Variants in TENM2 observed in about 807,000 individuals in gnomAD.
TENM2 encodes teneurin-2.
TENM2 carries 52 observed loss-of-function variants against 245.2 expected under a neutral mutation model. The ratio of observed to expected loss-of-function variants is 0.21; its 90% confidence interval spans 0.17 to 0.27. The LOEUF (loss-of-function observed/expected upper bound fraction) is 0.27. TENM2 is among the 10% of genes least tolerant of loss of function. The pLI is 1.00. For synonymous variants in TENM2, 1,363 were observed against 1,438.9 expected (o/e 0.95, Z 1.19); for missense variants, 3,046 against 3,666.8 (o/e 0.83, Z 4.37).
chr5:167,996,101 C>T (rs540242248), intron 5 of TENM2, among the ~76,000 whole-genome samples: 2 of 152,230 alleles, frequency 1.3e-5, no homozygotes, highest in East Asian at 1.9e-4. Flanking sequence ...ATCATCCTTG[C>T]GTGTTCAAAC....
rs777170514 is a variant in TENM2, at chr5:167,853,289, C to CAAAAAAAAA, written c.503-22682_503-22674dup. Among the ~76,000 whole-genome samples, 206 of 24,516 alleles carry CAAAAAAAAA rather than the reference C, an allele frequency of 8.4e-3. 13 individuals carry two copies. Among genetic ancestry groups the CAAAAAAAAA allele is most frequent in the Non-Finnish European group, 0.01 (141 of 13,430 alleles). The allele number at this position is 24,516 out of a possible 152,430, so 16.1% of individuals were successfully genotyped here. ...TGGGAGACAGAGCGAGACTCCGTCT[C>CAAAAAAAAA]AAAAAAAAAAAAAAAAAAAAAAAGA... On this transcript the variant is annotated intron_variant, in intron 2 of 28. Transcript: ENST00000518659.
At chr5:167,170,497 C>T in the TENM2 span, among the ~76,000 whole-genome samples, 8 of 152,126 alleles carry the variant, frequency 5.3e-5, no homozygotes, top group African/African-American at 1.9e-4. Flanking sequence ...GTTAAAATCA[C>T]TAAAAACTTA....
the TENM2 span, among the ~76,000 whole-genome samples, chr5:167,106,158 T>C: frequency 6.6e-6 from 1 of 152,296 alleles, no homozygotes; most frequent in South Asian, 2.1e-4. Flanking sequence ...ATTCCTGTAT[T>C]GGTTTATAGT....
At chr5:167,476,429 C>CA (rs1767380325) in intron 2 of TENM2, among the ~76,000 whole-genome samples, 1 of 152,058 alleles carries the variant, frequency 6.6e-6, no homozygotes, top group South Asian at 2.1e-4. Context: ...TATAAAATGT[C>CA]AAAAAATCAT....
intron 2 of TENM2, among the ~76,000 whole-genome samples, chr5:167,669,745 T>A (rs2150347281): frequency 6.6e-6 from 1 of 151,928 alleles, no homozygotes; most frequent in Admixed American, 6.6e-5. Flanking sequence ...GGGGAGGGAG[T>A]GCCTGTAATT....
chr5:167,158,675 T>A, the TENM2 span, among the ~76,000 whole-genome samples: 1 of 152,154 alleles, frequency 6.6e-6, no homozygotes, highest in Non-Finnish European at 1.5e-5. Context: ...AGAGCACATG[T>A]AAGCTCTCCT....
the TENM2 span, among the ~76,000 whole-genome samples, chr5:167,255,636 A>G: frequency 6.6e-6 from 1 of 152,092 alleles, no homozygotes; most frequent in Admixed American, 6.6e-5. Context: ...TGTGGCCCTG[A>G]TTTTACAGCT....
Position 167,725,513 on chromosome 5 carries a change from A to G in TENM2, c.503-150473A>G, listed in dbSNP as rs139617351. 7.2e-3 allele frequency among the ~76,000 whole-genome samples: 1,097 copies of G among 152,196 alleles called. 16 individuals carry two copies. The highest frequency in any genetic ancestry group is 0.025 in the African/African-American group (1,045 of 41,516). Reference sequence around the variant, plus strand: ...ATGCTAAATGCTTACTTAATTCATCACCAAATTCTGTAGACTGTACAGGCT... The same window carrying G: ...ATGCTAAATGCTTACTTAATTCATCGCCAAATTCTGTAGACTGTACAGGCT... On this transcript the variant is annotated intron_variant, in intron 2 of 28. Coordinates refer to ENST00000518659, the Ensembl canonical transcript of TENM2.
At position 167,624,905 on chromosome 5, in the gene TENM2, A is replaced by C. The variant is rs139311317; in HGVS notation, c.502+249432A>C. On this transcript the variant is annotated intron_variant, in intron 2 of 28. Transcript: ENST00000518659. ...TATGTAATATAGAGAGCTATAAACAAGGTACTAGTTGCATTGATACCCATT... is the reference window on the plus strand; with the variant it reads ...TATGTAATATAGAGAGCTATAAACACGGTACTAGTTGCATTGATACCCATT... 5.3e-3 allele frequency among the ~76,000 whole-genome samples: 814 copies of C among 152,310 alleles called. 6 individuals are homozygous for C. The highest frequency in any genetic ancestry group is 0.019 in the African/African-American group (774 of 41,570).
intron 9 of TENM2, among the ~76,000 whole-genome samples, chr5:168,107,441 T>C (rs1200903698): frequency 6.6e-6 from 1 of 152,218 alleles, no homozygotes; most frequent in East Asian, 1.9e-4. Context: ...TTTAAAGACA[T>C]GGATCTGAAG....
the TENM2 span, among the ~76,000 whole-genome samples, chr5:167,215,397 C>T: frequency 1.3e-5 from 2 of 152,184 alleles, no homozygotes; most frequent in Non-Finnish European, 2.9e-5. Flanking sequence ...TATTCTCTCT[C>T]TTTGTTCCAC....
At chr5:167,520,491 T>TTC (rs1770680000) in intron 2 of TENM2, among the ~76,000 whole-genome samples, 1 of 152,164 alleles carries the variant, frequency 6.6e-6, no homozygotes, top group South Asian at 2.1e-4. Flanking sequence ...GTAAGGCTTT[T>TTC]GTATGAGGAT....
the TENM2 span, among the ~76,000 whole-genome samples, chr5:167,117,149 C>T: frequency 6.6e-6 from 1 of 152,180 alleles, no homozygotes; most frequent in African/African-American, 2.4e-5. Context: ...CAATAAATAT[C>T]TGTTAAGTAA....
At chr5:168,062,931 A>T (rs1790173451) in intron 7 of TENM2, among the ~76,000 whole-genome samples, 1 of 152,158 alleles carries the variant, frequency 6.6e-6, no homozygotes, top group African/African-American at 2.4e-5. Context: ...AAATGAGGTG[A>T]TGGTTTACCC....
intron 17 of TENM2, among the ~76,000 whole-genome samples, chr5:168,201,730 G>A (rs964645328): frequency 6.6e-6 from 1 of 151,974 alleles, no homozygotes; most frequent in Admixed American, 6.6e-5. Flanking sequence ...TTTTGCAATT[G>A]GTTGATTTCT....
intron 1 of TENM2, among the ~76,000 whole-genome samples, chr5:167,353,728 C>G (rs1035883956): frequency 1.3e-5 from 2 of 151,578 alleles, no homozygotes; most frequent in African/African-American, 4.8e-5. Context: ...GGGATGGTCT[C>G]GATCTCCTGA....
At chr5:166,984,425 G>A in the TENM2 span, among the ~76,000 whole-genome samples, 1 of 151,954 alleles carries the variant, frequency 6.6e-6, no homozygotes, top group Non-Finnish European at 1.5e-5. Context: ...GAACTTCACT[G>A]ATACTCAATA....
At chr5:167,810,045 CTTA>C (rs1411737092) in intron 2 of TENM2, among the ~76,000 whole-genome samples, 1 of 152,036 alleles carries the variant, frequency 6.6e-6, no homozygotes, top group East Asian at 1.9e-4. Flanking sequence ...AGGAAATAAT[CTTA>C]TTAGTCCCTC....
chr5:167,608,662 A>G (rs932189177), intron 2 of TENM2, among the ~76,000 whole-genome samples: 1 of 152,228 alleles, frequency 6.6e-6, no homozygotes, highest in African/African-American at 2.4e-5. Context: ...AGCAGTTGTT[A>G]GTAAGAGCGC....
Sources: gnomAD v4.1 joint callset for allele counts (sites outside exome capture counted in the v4.1 genomes callset) on GRCh38, gnomAD v4.1.1 for gene constraint, MANE v1.5 for transcripts, NCBI Gene and HGNC (gene_info 2026-07-23, HGNC 2026-07-21) for gene names.